Variants in PRKCB observed in about 807,000 individuals in gnomAD.
PRKCB encodes protein kinase C beta type.
Under a neutral mutation model 81.5 loss-of-function variants are expected in PRKCB, and 13 were observed. That is an observed-to-expected ratio of 0.16 (90% CI 0.10 to 0.25). The LOEUF (loss-of-function observed/expected upper bound fraction) is 0.25, where lower values mean the gene tolerates loss of function less well. Ranked by LOEUF, PRKCB falls within the 10% of genes least tolerant of loss-of-function variation. PRKCB has a pLI of 1.00. For synonymous variants in PRKCB, 335 were observed against 321.4 expected, an observed-to-expected ratio of 1.04 and a Z score of -0.45; for missense variants, 509 against 875.7, an observed-to-expected ratio of 0.58 and a Z score of 5.29.
chr16:24,093,024 T>C, intron 6 of PRKCB, 77 bp downstream of exon 6: 1 of 1,447,372 alleles, frequency 6.9e-7, no homozygotes, highest in South Asian at 1.4e-5. Context: ...GAGTTCCTCC[T>C]CCCTTAGCTC....
At chr16:23,880,201 C>T (rs1488996822) in intron 2 of PRKCB, among the ~76,000 whole-genome samples, 1 of 152,166 alleles carries the variant, frequency 6.6e-6, no homozygotes, top group Non-Finnish European at 1.5e-5. Flanking sequence ...ATGCCTGACT[C>T]ACCTCTTGTG....
rs74532767 is a variant in PRKCB at position 24,144,284 on chromosome 16, G to C, written c.1066-10400G>C. 5.5e-3 allele frequency among the ~76,000 whole-genome samples: 830 copies of C among 152,220 alleles called. 6 individuals are homozygous for C. Among genetic ancestry groups the C allele is most frequent in the African/African-American group, 0.019 (803 of 41,522 alleles). ...TATGCATACATGTACACATACACGT[G>C]TATTTACTATATTCTTTTTTTCTTT... On this transcript the variant is annotated intron_variant, in intron 9 of 16. Coordinates refer to ENST00000643927, the MANE Select transcript of PRKCB (RefSeq NM_002738.7).
rs1215837013 is a variant in PRKCB, at chr16:24,217,649, A to G, written c.*2833A>G. 1.0e-6 allele frequency: 1 copy of G among 985,394 alleles called. No individual in the cohort carries two copies. Among genetic ancestry groups the G allele is most frequent in the Non-Finnish European group, 1.2e-6 (1 of 830,008 alleles). 61.0% of individuals were successfully genotyped at this position (985,394 alleles called of 1,614,324 possible). A position where few individuals can be genotyped will look rare whatever the true frequency, so the allele number is the denominator to read the frequency against. On this transcript the variant is annotated 3_prime_UTR_variant, in exon 17 of 17. Coordinates refer to ENST00000643927, the MANE Select transcript of PRKCB (RefSeq NM_002738.7). The stretch of plus-strand genomic sequence containing the variant: ...CATGTGGTTATCTGAAGCATTAGCC[A>G]TCACCAGCACAACAAACGGGGCAGG...
intron 5 of PRKCB, among the ~76,000 whole-genome samples, chr16:24,056,652 C>G (rs2141874124): frequency 6.6e-6 from 1 of 152,218 alleles, no homozygotes; most frequent in South Asian, 2.1e-4. Flanking sequence ...CACTAGAGAT[C>G]TGGTTGTTTA....
At chr16:23,836,471 C>G in intron 1 of PRKCB, 123 bp downstream of exon 1, 1 of 1,371,804 alleles carries the variant, frequency 7.3e-7, no homozygotes, top group Non-Finnish European at 9.7e-7. Flanking sequence ...CGTCTCCGGA[C>G]TCCCGGCTCC....
At chr16:23,865,295 G>GTAT (rs1962752537) in intron 2 of PRKCB, among the ~76,000 whole-genome samples, 1 of 72,226 alleles carries the variant, frequency 1.4e-5, no homozygotes. Context: ...GTGTGTGTGT[G>GTAT]GTTTTTTGTT....
chr16:24,122,468 T>TTC (rs1555498212), intron 8 of PRKCB, among the ~76,000 whole-genome samples: 7 of 138,992 alleles, frequency 5.0e-5, no homozygotes, highest in African/African-American at 2.3e-4. Flanking sequence ...TTTTTTTTTT[T>TTC]AGTGAGAGAG....
chr16:23,869,636 A>G (rs1479276164), intron 2 of PRKCB, among the ~76,000 whole-genome samples: 2 of 152,238 alleles, frequency 1.3e-5, no homozygotes, highest in Non-Finnish European at 2.9e-5. Flanking sequence ...ACAGGAAATA[A>G]TATTTTTCTT....
intron 3 of PRKCB, among the ~76,000 whole-genome samples, chr16:24,025,991 T>C (rs1246092428): frequency 1.3e-5 from 2 of 152,150 alleles, no homozygotes. Context: ...AGCGTACACA[T>C]GTAGCTCTCA....
chr16:23,949,324 G>T (rs1390709612), intron 2 of PRKCB, among the ~76,000 whole-genome samples: 1 of 152,220 alleles, frequency 6.6e-6, no homozygotes, highest in African/African-American at 2.4e-5. Flanking sequence ...CTTGCCTCAA[G>T]CTCAGAAACT....
At chr16:23,902,886 C>T (rs1963504699) in intron 2 of PRKCB, among the ~76,000 whole-genome samples, 1 of 150,014 alleles carries the variant, frequency 6.7e-6, no homozygotes, top group Admixed American at 6.7e-5. Flanking sequence ...TCACTGTAAC[C>T]TTGAACTACT....
intron 2 of PRKCB, among the ~76,000 whole-genome samples, chr16:23,984,718 A>C (rs763536838): frequency 3.3e-5 from 5 of 152,246 alleles, no homozygotes; most frequent in Non-Finnish European, 5.9e-5. Context: ...AAACACGTTG[A>C]GAAGAACACT....
At chr16:23,910,632 C>T (rs1002436981) in intron 2 of PRKCB, among the ~76,000 whole-genome samples, 1 of 151,624 alleles carries the variant, frequency 6.6e-6, no homozygotes, top group African/African-American at 2.4e-5. Flanking sequence ...TTTTTTTAAT[C>T]CCATTTAAAA....
intron 10 of PRKCB, among the ~76,000 whole-genome samples, chr16:24,171,111 A>G (rs567986003): frequency 2.0e-5 from 3 of 152,232 alleles, no homozygotes; most frequent in African/African-American, 4.8e-5. Context: ...AGCATTTATT[A>G]TCTCAGTTTC....
At chr16:23,846,278 T>A (rs1274774081) in intron 2 of PRKCB, among the ~76,000 whole-genome samples, 2 of 152,170 alleles carry the variant, frequency 1.3e-5, no homozygotes, top group Non-Finnish European at 2.9e-5. Context: ...AATATTCTTT[T>A]TTTTTAATTA....
chr16:24,006,640 C>T (rs195993), intron 3 of PRKCB, among the ~76,000 whole-genome samples: 24,320 of 152,204 alleles, frequency 0.16, 2,291 homozygotes, highest in Non-Finnish European at 0.21. Flanking sequence ...AACAACCAGA[C>T]CAGTTCTATC....
intron 5 of PRKCB, among the ~76,000 whole-genome samples, chr16:24,080,623 G>C (rs1484031271): frequency 6.6e-6 from 1 of 152,128 alleles, no homozygotes; most frequent in Non-Finnish European, 1.5e-5. Flanking sequence ...CAGTTGTAAA[G>C]GTCAGTAAAG....
chr16:24,040,338 A>G (rs903805142), intron 5 of PRKCB, among the ~76,000 whole-genome samples: 4 of 152,072 alleles, frequency 2.6e-5, no homozygotes, highest in African/African-American at 9.7e-5. Context: ...ACACCATAAG[A>G]CATCTGTGCG....
rs571918517 is a variant in PRKCB at position 24,215,395 on chromosome 16, G to A, written c.*579G>A. The A allele has an allele frequency of 2.8e-5, 28 of 985,958 alleles. 1 individual carries two copies. In the South Asian group the frequency reaches 7.5e-4, roughly 26 times the overall value. The allele number at this position is 985,958 out of a possible 1,614,324, so 61.1% of individuals were successfully genotyped here. ...AAATTCCAAGAATGTGCTTTTAGACGGTCTCAATCTAAAAGCACTTCAAGG... is the reference window on the plus strand; with the variant it reads ...AAATTCCAAGAATGTGCTTTTAGACAGTCTCAATCTAAAAGCACTTCAAGG... On this transcript the variant is annotated 3_prime_UTR_variant, in exon 17 of 17. Transcript: ENST00000643927.
Sources: allele counts gnomAD v4.1 joint callset (sites outside exome capture counted in the v4.1 genomes callset), GRCh38; gene constraint gnomAD v4.1.1; transcripts MANE v1.5; gene names NCBI Gene and HGNC (gene_info 2026-07-23, HGNC 2026-07-21).